Variants in OR1J2 observed in about 807,000 individuals in gnomAD.
OR1J2 encodes the protein olfactory receptor 1J2.
For missense variants in OR1J2, 304 were observed against 246.1 expected, an observed-to-expected ratio of 1.24 and a Z score of -1.57; for synonymous variants, 142 against 99.7, an observed-to-expected ratio of 1.42 and a Z score of -2.52.
At chr9:122,551,344 T>C in the OR1J2 span, among the ~76,000 whole-genome samples, 2 of 152,356 alleles carry the variant, frequency 1.3e-5, no homozygotes, top group African/African-American at 4.8e-5. Context: ...GTAGCTTTTT[T>C]TGAGCAGCTG....
the OR1J2 span, among the ~76,000 whole-genome samples, chr9:122,502,676 T>A: frequency 1.1e-5 from 1 of 93,980 alleles, no homozygotes; most frequent in Non-Finnish European, 2.2e-5. Context: ...AACATAGTAC[T>A]TTTTTTTTTT....
the OR1J2 span, among the ~76,000 whole-genome samples, chr9:122,455,889 T>A: frequency 2.6e-5 from 4 of 152,190 alleles, no homozygotes; most frequent in African/African-American, 4.8e-5. Flanking sequence ...AAGTAAGGGC[T>A]CAACTTTATT....
At chr9:122,482,446 T>C in the OR1J2 span, among the ~76,000 whole-genome samples, 1 of 152,268 alleles carries the variant, frequency 6.6e-6, no homozygotes, top group African/African-American at 2.4e-5. Context: ...ATAGTCATTT[T>C]GTAAAACACT....
chr9:122,531,899 A>G, the OR1J2 span, among the ~76,000 whole-genome samples: 300 of 152,302 alleles, frequency 2.0e-3, 2 homozygotes, highest in African/African-American at 6.6e-3. Flanking sequence ...CTATCCAGTG[A>G]AAGTGTCTAC....
chr9:122,534,157 G>A, the OR1J2 span, among the ~76,000 whole-genome samples: 1 of 152,184 alleles, frequency 6.6e-6, no homozygotes, highest in Non-Finnish European at 1.5e-5. Context: ...TAGGCGTTTG[G>A]AAGTTCTTGT....
the OR1J2 span, chr9:122,477,826 A>C: frequency 1.2e-5 from 20 of 1,614,070 alleles, no homozygotes; most frequent in Non-Finnish European, 1.6e-5. Context: ...GGTCAGGTAC[A>C]TGCCCAGGAA....
chr9:122,533,605 A>G, the OR1J2 span, among the ~76,000 whole-genome samples: 51,630 of 151,920 alleles, frequency 0.34, 9,263 homozygotes, highest in South Asian at 0.59. Flanking sequence ...AAAGTGTCTC[A>G]GCCTAATAAG....
At chr9:122,557,447 T>A in the OR1J2 span, among the ~76,000 whole-genome samples, 1 of 152,112 alleles carries the variant, frequency 6.6e-6, no homozygotes, top group Non-Finnish European at 1.5e-5. Context: ...AAGTGCTTTT[T>A]CTGCATCTAT....
the OR1J2 span, among the ~76,000 whole-genome samples, chr9:122,473,362 T>C: frequency 6.6e-6 from 1 of 152,172 alleles, no homozygotes; most frequent in Non-Finnish European, 1.5e-5. Flanking sequence ...AGTAGGGCCC[T>C]AGAGACGTGC....
the OR1J2 span, chr9:122,553,656 G>A: frequency 1.2e-6 from 2 of 1,613,974 alleles, no homozygotes; most frequent in East Asian, 2.2e-5. Flanking sequence ...ACTAATGCTG[G>A]GTGTGTGCTG....
At chr9:122,519,015 TAGAC>T in the OR1J2 span, 1 of 671,864 alleles carries the variant, frequency 1.5e-6, no homozygotes, top group Non-Finnish European at 2.6e-6. Flanking sequence ...CATAGCAATG[TAGAC>T]AGACATTGGC....
At chr9:122,464,136 G>A in the OR1J2 span, among the ~76,000 whole-genome samples, 22 of 152,184 alleles carry the variant, frequency 1.4e-4, no homozygotes, top group Non-Finnish European at 2.8e-4. Context: ...GGGGCTGGGA[G>A]TGTGGTTCCC....
At chr9:122,522,623 C>T in the OR1J2 span, among the ~76,000 whole-genome samples, 1 of 151,666 alleles carries the variant, frequency 6.6e-6, no homozygotes, top group Non-Finnish European at 1.5e-5. Flanking sequence ...CATATACATA[C>T]AATTTAATTT....
chr9:122,578,961 A>C, the OR1J2 span, among the ~76,000 whole-genome samples: 1 of 125,594 alleles, frequency 8.0e-6, no homozygotes, highest in African/African-American at 3.0e-5. Context: ...AAAATTCTGA[A>C]AAATAAATCT....
chr9:122,569,240 C>T, the OR1J2 span, among the ~76,000 whole-genome samples: 1 of 152,026 alleles, frequency 6.6e-6, no homozygotes, highest in Non-Finnish European at 1.5e-5. Context: ...ATTGTTTTTC[C>T]CTTCTTTAAT....
the OR1J2 span, among the ~76,000 whole-genome samples, chr9:122,537,285 A>G: frequency 6.6e-6 from 1 of 152,226 alleles, no homozygotes; most frequent in African/African-American, 2.4e-5. Context: ...CAATGTCTGG[A>G]ATCTATGAAT....
chr9:122,477,203 C>T, the OR1J2 span: 1 of 1,614,088 alleles, frequency 6.2e-7, no homozygotes. Flanking sequence ...AGGTGGGATC[C>T]ACAAGTGGAC....
the OR1J2 span, among the ~76,000 whole-genome samples, chr9:122,574,323 C>A: frequency 6.6e-6 from 1 of 152,044 alleles, no homozygotes; most frequent in African/African-American, 2.4e-5. Context: ...AATATTGAGC[C>A]TTCTTATTCA....
the OR1J2 span, among the ~76,000 whole-genome samples, chr9:122,503,837 A>G: frequency 1.8e-4 from 27 of 152,234 alleles, no homozygotes; most frequent in Non-Finnish European, 2.8e-4. Flanking sequence ...CTTTTTGAGC[A>G]GGGAGTATTT....
Sources: gnomAD v4.1 joint callset for allele counts (sites outside exome capture counted in the v4.1 genomes callset) on GRCh38, gnomAD v4.1.1 for gene constraint, MANE v1.5 for transcripts, NCBI Gene and HGNC (gene_info 2026-07-23, HGNC 2026-07-21) for gene names.